DSTN: variants seen among roughly 807,000 people sequenced by gnomAD.
The protein encoded by DSTN is destrin, actin depolymerizing factor, also known as destrin.
DSTN carries 10 observed loss-of-function variants against 16.8 expected under a neutral mutation model. That is an observed-to-expected ratio of 0.60 (90% CI 0.37 to 1.01). DSTN has a LOEUF of 1.01. Among genes scored for constraint, DSTN ranks in the 50% least tolerant of loss-of-function variants. The pLI is 0.01. For missense variants in DSTN, 141 were observed against 196.7 expected (o/e 0.72, Z 1.69); for synonymous variants, 57 against 58.9 (o/e 0.97, Z 0.14).
At chr20:17,606,781 G>A (rs146168377) in intron 3 of DSTN, among the ~76,000 whole-genome samples, 2 of 152,280 alleles carry the variant, frequency 1.3e-5, no homozygotes, top group East Asian at 3.9e-4. Flanking sequence ...GGCTGATTTT[G>A]TATGCTATAC....
At chr20:17,591,605 C>T (rs1303884200) in intron 1 of DSTN, among the ~76,000 whole-genome samples, 1 of 152,158 alleles carries the variant, frequency 6.6e-6, no homozygotes, top group African/African-American at 2.4e-5. Flanking sequence ...TGATCATCAC[C>T]TGAAGCTTAG....
intron 1 of DSTN, among the ~76,000 whole-genome samples, chr20:17,586,392 G>C (rs2035408962): frequency 6.6e-6 from 1 of 152,200 alleles, no homozygotes; most frequent in Admixed American, 6.5e-5. Context: ...ATAGGACCCA[G>C]TTTCATCATT....
intron 1 of DSTN, among the ~76,000 whole-genome samples, chr20:17,586,936 A>G (rs755626060): frequency 8.5e-5 from 13 of 152,176 alleles, no homozygotes; most frequent in Non-Finnish European, 4.4e-5. Flanking sequence ...ACCCTGTGGT[A>G]CACTTTCTCC....
chr20:17,584,614 T>C (rs1310704270), intron 1 of DSTN, among the ~76,000 whole-genome samples: 1 of 148,120 alleles, frequency 6.8e-6, no homozygotes, highest in East Asian at 2.0e-4. Context: ...GTCACGCCAT[T>C]GCACTCCAGC....
Position 17,597,314 on chromosome 20 carries a change from G to A in DSTN, c.4-3424G>A, listed in dbSNP as rs6136144. On this transcript the variant is annotated intron_variant, in intron 1 of 3. Coordinates refer to ENST00000246069, the MANE Select transcript of DSTN (RefSeq NM_006870.4). Reference sequence around the variant, plus strand: ...ATGTTCATTTATGAACAGAAAATGTGGAGTAGATGGCATTGGAGTGTGTTA... The same window carrying A: ...ATGTTCATTTATGAACAGAAAATGTAGAGTAGATGGCATTGGAGTGTGTTA... Among the ~76,000 whole-genome samples, 939 of 152,250 alleles carry A rather than the reference G, an allele frequency of 6.2e-3. 24 individuals carry two copies. In the East Asian group the frequency reaches 0.081, roughly 13 times the overall value.
intron 1 of DSTN, among the ~76,000 whole-genome samples, chr20:17,572,018 C>T (rs2122152864): frequency 6.6e-6 from 1 of 152,296 alleles, no homozygotes; most frequent in South Asian, 2.1e-4. Context: ...AGCGCAGGAG[C>T]ATCTTTGTTT....
At chr20:17,602,887 GCA>G (rs2035601740) in intron 2 of DSTN, among the ~76,000 whole-genome samples, 1 of 152,162 alleles carries the variant, frequency 6.6e-6, no homozygotes, top group South Asian at 2.1e-4. Flanking sequence ...GGGCATAGTG[GCA>G]CACGCCTGCA....
rs897593460 is a variant in DSTN at position 17,608,864 on chromosome 20, G to A, written c.*1718G>A. 1 of 152,120 alleles carries A rather than the reference G, an allele frequency of 6.6e-6. No homozygotes were observed. Among genetic ancestry groups the A allele is most frequent in the Non-Finnish European group, 1.5e-5 (1 of 68,028 alleles). The allele number at this position is 152,120 out of a possible 1,614,324, so 9.4% of individuals were successfully genotyped here. ...CATGTCAAAGACTGCATATACTATGGTGGTCCCATACAATTATAATGTATT... is the reference window on the plus strand; with the variant it reads ...CATGTCAAAGACTGCATATACTATGATGGTCCCATACAATTATAATGTATT... On this transcript the variant is annotated 3_prime_UTR_variant, in exon 4 of 4. Transcript: ENST00000246069.
At chr20:17,594,411 A>T (rs982051246) in intron 1 of DSTN, among the ~76,000 whole-genome samples, 2 of 152,180 alleles carry the variant, frequency 1.3e-5, no homozygotes, top group African/African-American at 4.8e-5. Context: ...CTTTAAGATC[A>T]CTTTTATTTA....
chr20:17,583,735 C>CTGTTTTTTTTTTT (rs2035372477), intron 1 of DSTN, among the ~76,000 whole-genome samples: 1 of 72,492 alleles, frequency 1.4e-5, no homozygotes, highest in Non-Finnish European at 2.4e-5. Flanking sequence ...TTTGGAGTTT[C>CTGTTTTTTTTTTT]TTTTTTTTTT....
chr20:17,570,283 C>A, intron 1 of DSTN, 72 bp downstream of exon 1: 1 of 1,429,884 alleles, frequency 7.0e-7, no homozygotes, highest in South Asian at 1.4e-5. Context: ...GCCGCGGAGT[C>A]GGGGCTAAGG....
chr20:17,588,221 T>G (rs1216644929), intron 1 of DSTN, among the ~76,000 whole-genome samples: 1 of 152,226 alleles, frequency 6.6e-6, no homozygotes, highest in Non-Finnish European at 1.5e-5. Context: ...AATTTCTAAC[T>G]TGATTGAGAC....
chr20:17,581,533 ATGG>A (rs1156462549), intron 1 of DSTN, among the ~76,000 whole-genome samples: 3 of 152,170 alleles, frequency 2.0e-5, no homozygotes, highest in African/African-American at 7.2e-5. Context: ...CAGATGGTAG[ATGG>A]TGGTAGCTTG....
At chr20:17,579,367 G>A (rs900359679) in intron 1 of DSTN, among the ~76,000 whole-genome samples, 7 of 152,118 alleles carry the variant, frequency 4.6e-5, no homozygotes, top group Admixed American at 3.3e-4. Flanking sequence ...TTGAGCTTAC[G>A]AGTTCGAGAC....
At chr20:17,581,171 G>A (rs1308058195) in intron 1 of DSTN, among the ~76,000 whole-genome samples, 2 of 152,102 alleles carry the variant, frequency 1.3e-5, no homozygotes, top group East Asian at 3.9e-4. Context: ...TACAAATGGG[G>A]ACAAAGACCA....
At chr20:17,580,533 G>A (rs534319939) in intron 1 of DSTN, among the ~76,000 whole-genome samples, 96 of 152,290 alleles carry the variant, frequency 6.3e-4, no homozygotes, top group African/African-American at 2.3e-3. Flanking sequence ...GATCACCTGA[G>A]GTCAGGAGTT....
At position 17,608,711 on chromosome 20, in the gene DSTN, TAATA is replaced by T. The variant is rs145875312; in HGVS notation, c.*1570_*1573del. The T allele has an allele frequency of 2.2e-3, 331 of 151,978 alleles. 2 individuals carry two copies. The highest frequency in any genetic ancestry group is 7.6e-3 in the African/African-American group (313 of 41,424). 9.4% of individuals were successfully genotyped at this position (151,978 alleles called of 1,614,324 possible). ...TTCAATGTTTATTACACTATAAGTGTAATAAATATTATACAAAATTATAAATTCA... is the reference window on the plus strand; with the variant it reads ...TTCAATGTTTATTACACTATAAGTGTAATATTATACAAAATTATAAATTCA... On this transcript the variant is annotated 3_prime_UTR_variant, in exon 4 of 4. Transcript: ENST00000246069.
chr20:17,595,139 G>A (rs2035512309), intron 1 of DSTN, among the ~76,000 whole-genome samples: 1 of 152,132 alleles, frequency 6.6e-6, no homozygotes, highest in Non-Finnish European at 1.5e-5. Context: ...GCTTTCCACT[G>A]CATTGTCCTA....
intron 3 of DSTN, among the ~76,000 whole-genome samples, chr20:17,605,540 C>T (rs2035632780): frequency 6.6e-6 from 1 of 152,084 alleles, no homozygotes; most frequent in Non-Finnish European, 1.5e-5. Flanking sequence ...GCCTGTTTTA[C>T]TTAGTTCGGA....
Sources: allele counts gnomAD v4.1 joint callset (sites outside exome capture counted in the v4.1 genomes callset), GRCh38; gene constraint gnomAD v4.1.1; transcripts MANE v1.5; gene names NCBI Gene and HGNC (gene_info 2026-07-23, HGNC 2026-07-21).